The following LRRTM3 variants were observed in gnomAD, a reference collection of about 807,000 sequenced individuals.
LRRTM3 encodes the protein leucine-rich repeat transmembrane neuronal protein 3.
In LRRTM3, 24 loss-of-function variants were observed where a neutral mutation model predicts 44.7. That is an observed-to-expected ratio of 0.54 (90% CI 0.39 to 0.76). The LOEUF is 0.76. Ranked by LOEUF, LRRTM3 falls within the 30% of genes least tolerant of loss-of-function variation. The probability of loss-of-function intolerance (pLI) is 0.00; values close to 1 mark genes in which losing one functional copy is unlikely to be tolerated. For synonymous variants in LRRTM3, 277 were observed against 278.7 expected (o/e 0.99, Z 0.06); for missense variants, 587 against 702.2 (o/e 0.84, Z 1.85).
At chr10:66,962,899 G>A (rs538974388) in intron 2 of LRRTM3, among the ~76,000 whole-genome samples, 1 of 152,244 alleles carries the variant, frequency 6.6e-6, no homozygotes, top group Non-Finnish European at 1.5e-5. Context: ...CATAAAGGCT[G>A]AGATTTTTGC....
At chr10:67,078,868 G>A (rs1398318873) in intron 2 of LRRTM3, among the ~76,000 whole-genome samples, 2 of 152,118 alleles carry the variant, frequency 1.3e-5, no homozygotes, top group African/African-American at 4.8e-5. Context: ...AAGGTTAGCA[G>A]GACACTTGTA....
chr10:67,028,494 C>A (rs1236846283), intron 2 of LRRTM3, among the ~76,000 whole-genome samples: 2 of 151,336 alleles, frequency 1.3e-5, no homozygotes, highest in African/African-American at 4.9e-5. Flanking sequence ...TGGCATCTGG[C>A]AAACTAGGAA....
intron 2 of LRRTM3, among the ~76,000 whole-genome samples, chr10:67,088,956 G>A (rs918375240): frequency 2.6e-5 from 4 of 151,910 alleles, no homozygotes; most frequent in African/African-American, 7.2e-5. Context: ...AAATTAATAC[G>A]AATAGAACAA....
chr10:67,052,299 C>G (rs1034939841), intron 2 of LRRTM3, among the ~76,000 whole-genome samples: 10 of 146,698 alleles, frequency 6.8e-5, no homozygotes, highest in African/African-American at 2.5e-4. Flanking sequence ...GAAGAATCTT[C>G]ACACCCACTC....
intron 2 of LRRTM3, among the ~76,000 whole-genome samples, chr10:67,036,678 G>C (rs531508139): frequency 2.6e-5 from 4 of 152,150 alleles, no homozygotes; most frequent in African/African-American, 7.2e-5. Flanking sequence ...ATTTTTAAGA[G>C]TATACTTTTT....
intron 2 of LRRTM3, among the ~76,000 whole-genome samples, chr10:67,063,419 TAAA>T (rs1211165717): frequency 6.6e-6 from 1 of 152,142 alleles, no homozygotes. Context: ...AATCAGGAGT[TAAA>T]TTCATTAAAG....
At position 67,052,311 on chromosome 10, in the gene LRRTM3, TCA is replaced by T. The variant is rs58264842; in HGVS notation, c.1537-45274_1537-45273del. On this transcript the variant is annotated intron_variant, in intron 2 of 2. Coordinates refer to ENST00000361320, the MANE Select transcript of LRRTM3 (RefSeq NM_178011.5). ...ACAGAAGAATCTTCACACCCACTCA[TCA>T]CTCTCTCTCTCTCTCTCTCTCTCTC... is the stretch of plus-strand genomic sequence containing the variant. Among the ~76,000 whole-genome samples, 287 of 99,520 alleles carry T rather than the reference TCA, an allele frequency of 2.9e-3. 3 individuals carry two copies. The highest frequency in any genetic ancestry group is 0.01 in the African/African-American group (274 of 26,400). 65.3% of individuals were successfully genotyped at this position (99,520 alleles called of 152,430 possible). A position where few individuals can be genotyped will look rare whatever the true frequency, so the allele number is the denominator to read the frequency against.
intron 2 of LRRTM3, among the ~76,000 whole-genome samples, chr10:66,995,036 C>T (rs549321661): frequency 6.6e-6 from 1 of 152,232 alleles, no homozygotes; most frequent in Admixed American, 6.5e-5. Flanking sequence ...CAAGTATATG[C>T]TAAATACTCC....
rs373506210 is a variant in LRRTM3, at chr10:66,961,791, C to T, written c.1536+33339C>T. On this transcript the variant is annotated intron_variant, in intron 2 of 2. Transcript: ENST00000361320. ...CTTAATAGACATTTCAAACTTAATACATGCAAAGTGACTATCCTGATCTTC... is the reference window on the plus strand; with the variant it reads ...CTTAATAGACATTTCAAACTTAATATATGCAAAGTGACTATCCTGATCTTC... Among the ~76,000 whole-genome samples the T allele has an allele frequency of 5.1e-4, 78 of 152,230 alleles. No homozygotes were observed. In the South Asian group the frequency reaches 0.016, roughly 31 times the overall value.
At chr10:67,000,882 A>G (rs993174113) in intron 2 of LRRTM3, among the ~76,000 whole-genome samples, 1 of 152,196 alleles carries the variant, frequency 6.6e-6, no homozygotes, top group Admixed American at 6.6e-5. Context: ...TCAATTACTC[A>G]TGAACAACAG....
chr10:67,025,947 T>C (rs1853350820), intron 2 of LRRTM3, among the ~76,000 whole-genome samples: 1 of 149,856 alleles, frequency 6.7e-6, no homozygotes, highest in African/African-American at 2.5e-5. Flanking sequence ...GATGAGTTCA[T>C]GTCCTTTGTA....
At chr10:67,037,796 T>TA (rs1293731039) in intron 2 of LRRTM3, among the ~76,000 whole-genome samples, 1 of 152,174 alleles carries the variant, frequency 6.6e-6, no homozygotes, top group Non-Finnish European at 1.5e-5. Context: ...GGATGGTAGT[T>TA]ACAGTCAGTG....
At chr10:67,018,368 C>T (rs1852790172) in intron 2 of LRRTM3, among the ~76,000 whole-genome samples, 1 of 152,334 alleles carries the variant, frequency 6.6e-6, no homozygotes, top group South Asian at 2.1e-4. Flanking sequence ...TTAAAGGCAA[C>T]ACCCCTTAAG....
intron 2 of LRRTM3, among the ~76,000 whole-genome samples, chr10:67,003,826 G>C (rs1851816225): frequency 6.6e-6 from 1 of 152,124 alleles, no homozygotes; most frequent in Non-Finnish European, 1.5e-5. Flanking sequence ...GTTGTCTCTA[G>C]CAGAGGGTGG....
chr10:66,995,412 TAGC>T (rs1198688581), intron 2 of LRRTM3, among the ~76,000 whole-genome samples: 6 of 152,292 alleles, frequency 3.9e-5, no homozygotes, highest in Admixed American at 3.3e-4. Context: ...TGGCCCATGG[TAGC>T]AGTCAGCTAG....
intron 2 of LRRTM3, among the ~76,000 whole-genome samples, chr10:66,935,671 T>A (rs1339658190): frequency 2.0e-5 from 3 of 152,086 alleles, no homozygotes; most frequent in African/African-American, 7.2e-5. Context: ...ATATTTTTCC[T>A]ATAATGTGAA....
At chr10:66,953,013 T>G (rs1289547783) in intron 2 of LRRTM3, among the ~76,000 whole-genome samples, 1 of 152,018 alleles carries the variant, frequency 6.6e-6, no homozygotes, top group Non-Finnish European at 1.5e-5. Flanking sequence ...TGATTCCCAC[T>G]ATGTTCTTTA....
At chr10:67,075,573 A>G (rs2093025473) in intron 2 of LRRTM3, among the ~76,000 whole-genome samples, 1 of 152,190 alleles carries the variant, frequency 6.6e-6, no homozygotes, top group East Asian at 1.9e-4. Context: ...ACATTTTCTC[A>G]AAGTAAGATA....
At chr10:66,976,861 C>G (rs1286298341) in intron 2 of LRRTM3, among the ~76,000 whole-genome samples, 1 of 152,028 alleles carries the variant, frequency 6.6e-6, no homozygotes, top group Admixed American at 6.6e-5. Context: ...TGTTTTTGCT[C>G]TTGTTTTTGT....
Sources: gnomAD v4.1 joint callset for allele counts (sites outside exome capture counted in the v4.1 genomes callset) on GRCh38, gnomAD v4.1.1 for gene constraint, MANE v1.5 for transcripts, NCBI Gene and HGNC (gene_info 2026-07-23, HGNC 2026-07-21) for gene names.